The following RPTOR variants were observed in gnomAD, a reference collection of about 807,000 sequenced individuals.
RPTOR encodes regulatory-associated protein of mTOR.
A neutral mutation model predicts 169.9 loss-of-function variants in RPTOR; 21 were observed. The ratio of observed to expected loss-of-function variants is 0.12; its 90% CI spans 0.09 to 0.18. The LOEUF (loss-of-function observed/expected upper bound fraction) is 0.18. RPTOR is among the 10% of genes least tolerant of loss of function. RPTOR has a pLI of 1.00. For synonymous variants in RPTOR, 732 were observed against 753.2 expected (o/e 0.97, Z 0.46); for missense variants, 1,133 against 1,855.9 (o/e 0.61, Z 7.16).
Position 80,823,488 on chromosome 17 carries a change from C to T in RPTOR, c.1136+265C>T, listed in dbSNP as rs2067405197. On this transcript the variant is annotated intron_variant, in intron 9 of 33. Transcript: ENST00000306801. This position sits in a 1 kb window ranked among gnomAD's most constrained non-coding sequence, Gnocchi z 4.5. Reference sequence around the variant, plus strand: ...GCTGAAGCCTCACAGCTCTGCAACTCGGGAGGGTAGCACTTTGCAAGAGAG... The same window carrying T: ...GCTGAAGCCTCACAGCTCTGCAACTTGGGAGGGTAGCACTTTGCAAGAGAG... 1 of 382,164 alleles carries T rather than the reference C, an allele frequency of 2.6e-6. No homozygotes were observed. The highest frequency in any genetic ancestry group is 4.2e-5 in the Admixed American group (1 of 23,828). The allele number at this position is 382,164 out of a possible 1,614,324, so 23.7% of individuals were successfully genotyped here. A position where few individuals can be genotyped will look rare whatever the true frequency, so the allele number is the denominator to read the frequency against.
chr17:80,684,468 T>C (rs2065921395), intron 3 of RPTOR, among the ~76,000 whole-genome samples: 2 of 151,192 alleles, frequency 1.3e-5, no homozygotes, highest in South Asian at 4.2e-4. Context: ...TCTGGAGGCA[T>C]AGTCTCGCTC....
intron 11 of RPTOR, among the ~76,000 whole-genome samples, chr17:80,847,011 G>C (rs1489752373): frequency 6.6e-6 from 1 of 152,278 alleles, no homozygotes; most frequent in Non-Finnish European, 1.5e-5. Context: ...GGAGATGGCA[G>C]TGAATCCGGG....
intron 18 of RPTOR, 133 bp downstream of exon 18, chr17:80,891,970 T>A (rs1386420149): frequency 1.8e-6 from 1 of 560,282 alleles, no homozygotes; most frequent in Admixed American, 3.0e-5. Context: ...GGGGTCCCTG[T>A]TTTTCTCATC....
chr17:80,606,674 G>A (rs2065231725), intron 1 of RPTOR, among the ~76,000 whole-genome samples: 1 of 152,052 alleles, frequency 6.6e-6, no homozygotes, highest in Admixed American at 6.6e-5. Context: ...TTTGTCAGGG[G>A]CAAATTTCAA....
intron 7 of RPTOR, among the ~76,000 whole-genome samples, chr17:80,811,527 A>T (rs1053581754): frequency 2.0e-5 from 3 of 151,972 alleles, no homozygotes; most frequent in African/African-American, 7.3e-5. Flanking sequence ...TGTGGGAGAC[A>T]GCCACGCCCT....
chr17:80,802,070 G>A (rs2067164878), intron 7 of RPTOR: 1 of 152,276 alleles, frequency 6.6e-6, no homozygotes, highest in Admixed American at 6.5e-5. Flanking sequence ...GGGTGGAGGA[G>A]GCTTGGTTCT....
At chr17:80,657,913 A>G (rs1567842526) in intron 3 of RPTOR, among the ~76,000 whole-genome samples, 1 of 152,192 alleles carries the variant, frequency 6.6e-6, no homozygotes, top group East Asian at 1.9e-4. Flanking sequence ...GCAGTTTAAA[A>G]AATTATTCCA....
At chr17:80,687,863 G>A (rs2065960668) in intron 3 of RPTOR, among the ~76,000 whole-genome samples, 2 of 152,160 alleles carry the variant, frequency 1.3e-5, no homozygotes, top group East Asian at 1.9e-4. Flanking sequence ...TGGGATGCCC[G>A]CACTGCCTTC....
chr17:80,619,495 C>T (rs577808313), intron 1 of RPTOR, among the ~76,000 whole-genome samples: 11 of 152,220 alleles, frequency 7.2e-5, no homozygotes, highest in Admixed American at 4.6e-4. Context: ...AGGTGACAGG[C>T]GTTAATAGGT....
In RPTOR at chr17:80,891,642, GT is replaced by G. The variant is rs1385104096; in HGVS notation, c.1984-77del. The stretch of plus-strand genomic sequence containing the variant: ...GTCTTAACCTTTCTTTTTTCTGTTG[GT>G]GACTCAAGTCTCACTGCTGCTCCAC... On this transcript the variant is annotated intron_variant, in intron 17 of 33. Coordinates refer to ENST00000306801, the MANE Select transcript of RPTOR (RefSeq NM_020761.3). 10 of 953,452 alleles carry G rather than the reference GT, an allele frequency of 1.0e-5. No individual in the cohort carries two copies. In the East Asian group the frequency reaches 2.4e-4, roughly 23 times the overall value. 59.1% of individuals were successfully genotyped at this position (953,452 alleles called of 1,614,324 possible).
chr17:80,657,062 T>C (rs750001092), intron 3 of RPTOR, among the ~76,000 whole-genome samples: 9 of 152,254 alleles, frequency 5.9e-5, no homozygotes, highest in Non-Finnish European at 1.0e-4. Flanking sequence ...AGTCTCTTTG[T>C]TTTCACAGCC....
chr17:80,779,909 C>G (rs2066924001), intron 6 of RPTOR, among the ~76,000 whole-genome samples: 1 of 152,190 alleles, frequency 6.6e-6, no homozygotes, highest in South Asian at 2.1e-4. Context: ...TCGGGGTGCT[C>G]TTCCTTAGCC....
At chr17:80,830,371 A>G (rs545725103) in intron 9 of RPTOR, among the ~76,000 whole-genome samples, 61 of 152,334 alleles carry the variant, frequency 4.0e-4, no homozygotes, top group African/African-American at 1.3e-3. Flanking sequence ...ATTATGTCAA[A>G]AAATGGGGGT....
At chr17:80,749,771 G>A (rs973382642) in intron 5 of RPTOR, among the ~76,000 whole-genome samples, 1 of 152,150 alleles carries the variant, frequency 6.6e-6, no homozygotes, top group African/African-American at 2.4e-5. Flanking sequence ...GGAGTGCAGT[G>A]GTGCCACCAC....
intron 6 of RPTOR, among the ~76,000 whole-genome samples, chr17:80,766,396 T>A (rs1248789584): frequency 6.6e-6 from 1 of 152,174 alleles, no homozygotes; most frequent in Non-Finnish European, 1.5e-5. Flanking sequence ...TTTACTTAGA[T>A]GGGAGTGCAG....
Position 80,625,123 on chromosome 17 carries a change from C to T in RPTOR, c.163-568C>T, listed in dbSNP as rs535103503. Reference sequence around the variant, plus strand: ...GGCCGAGAGGTGAGTGTGGCCAGGCCGCAGTGTAAGTACGAGGAATGAGTA... The same window carrying T: ...GGCCGAGAGGTGAGTGTGGCCAGGCTGCAGTGTAAGTACGAGGAATGAGTA... On this transcript the variant is annotated intron_variant, in intron 1 of 33. Transcript: ENST00000306801. 1.1e-4 allele frequency among the ~76,000 whole-genome samples: 16 copies of T among 152,200 alleles called. No individual in the cohort carries two copies. The South Asian group carries it at 3.1e-3, about 30-fold the overall frequency.
At chr17:80,962,870 C>A in intron 32 of RPTOR, 58 bp from the exon 33 acceptor site, 1 of 1,607,754 alleles carries the variant, frequency 6.2e-7, no homozygotes, top group Non-Finnish European at 8.5e-7. Context: ...GCATCTGCGC[C>A]CATCTTCCAT....
intron 3 of RPTOR, among the ~76,000 whole-genome samples, chr17:80,647,740 G>A (rs1377257218): frequency 6.6e-6 from 1 of 152,206 alleles, no homozygotes; most frequent in Non-Finnish European, 1.5e-5. Context: ...GCGCTCCTCA[G>A]TCATGGAGCC....
chr17:80,618,164 T>C (rs2065326823), intron 1 of RPTOR, among the ~76,000 whole-genome samples: 2 of 152,022 alleles, frequency 1.3e-5, no homozygotes, highest in Admixed American at 1.3e-4. Flanking sequence ...TATTTTTATA[T>C]TTTGTAGAGA....
Sources: gnomAD v4.1 joint callset for allele counts (sites outside exome capture counted in the v4.1 genomes callset) on GRCh38, gnomAD v4.1.1 for gene constraint, Gnocchi (gnomAD v3.1) non-coding constraint, MANE v1.5 for transcripts, NCBI Gene and HGNC (gene_info 2026-07-23, HGNC 2026-07-21) for gene names.